EXOC6B: variants seen among roughly 807,000 people sequenced by gnomAD.
EXOC6B encodes the protein exocyst complex component 6B, also known as SEC15 homolog B.
EXOC6B carries 54 observed loss-of-function variants against 113.5 expected under a neutral mutation model. The ratio of observed to expected loss-of-function variants is 0.48; its 90% CI spans 0.38 to 0.60. The LOEUF (loss-of-function observed/expected upper bound fraction) is 0.60. EXOC6B is among the 20% of genes least tolerant of loss of function. EXOC6B has a pLI of 0.00. For synonymous variants in EXOC6B, 357 were observed against 339.0 expected, an observed-to-expected ratio of 1.05 and a Z score of -0.58; for missense variants, 797 against 977.5, an observed-to-expected ratio of 0.82 and a Z score of 2.46.
In EXOC6B at chr2:72,701,140, C is replaced by G. The variant is rs1678305523; in HGVS notation, c.669+16963G>C. Among the ~76,000 whole-genome samples, 3 of 151,672 alleles carry G rather than the reference C, an allele frequency of 2.0e-5. No individual in the cohort carries two copies. The South Asian group carries it at 6.3e-4, about 32-fold the overall frequency. ...AGGTGGATCATGAGGTCAAGGAGAT[C>G]AAGACCATCCTGGCCAACATAGTGA... On this transcript the variant is annotated intron_variant, in intron 6 of 21. Transcript: ENST00000272427.
chr2:72,646,147 A>G (rs1673692920), intron 6 of EXOC6B, among the ~76,000 whole-genome samples: 1 of 152,222 alleles, frequency 6.6e-6, no homozygotes, highest in African/African-American at 2.4e-5. Context: ...AACTACCATC[A>G]GAGAATACTA....
chr2:72,686,924 G>A (rs527840694), intron 6 of EXOC6B, among the ~76,000 whole-genome samples: 24 of 152,164 alleles, frequency 1.6e-4, no homozygotes, highest in African/African-American at 5.5e-4. Flanking sequence ...AGATCACGAG[G>A]TCAGGAGATG....
At chr2:72,657,384 C>T (rs904371894) in intron 6 of EXOC6B, among the ~76,000 whole-genome samples, 1 of 151,476 alleles carries the variant, frequency 6.6e-6, no homozygotes, top group Non-Finnish European at 1.5e-5. Flanking sequence ...CACCACCACA[C>T]ACCCAGCTAA....
At chr2:72,674,798 CA>C (rs879579593) in intron 6 of EXOC6B, among the ~76,000 whole-genome samples, 31 of 133,220 alleles carry the variant, frequency 2.3e-4, no homozygotes, top group Admixed American at 2.3e-4. Flanking sequence ...GACTCCATCT[CA>C]AAAAAAAAAA....
intron 1 of EXOC6B, among the ~76,000 whole-genome samples, chr2:72,753,201 T>C (rs938633545): frequency 1.3e-5 from 2 of 149,860 alleles, no homozygotes; most frequent in African/African-American, 4.9e-5. Flanking sequence ...AACCCAGGAG[T>C]TCAAACCCAG....
intron 15 of EXOC6B, 146 bp from the exon 16 acceptor site, chr2:72,492,575 T>C: frequency 2.1e-6 from 1 of 474,078 alleles, no homozygotes; most frequent in South Asian, 4.2e-5. Context: ...AAAAGTACTA[T>C]AATAAACTCT....
At chr2:72,232,738 T>C (rs1404587236) in intron 20 of EXOC6B, among the ~76,000 whole-genome samples, 1 of 152,194 alleles carries the variant, frequency 6.6e-6, no homozygotes, top group African/African-American at 2.4e-5. Context: ...TAAGATACCA[T>C]ATTTCAAAAT....
At chr2:72,418,872 G>A (rs966703878) in intron 18 of EXOC6B, among the ~76,000 whole-genome samples, 8 of 152,044 alleles carry the variant, frequency 5.3e-5, no homozygotes, top group African/African-American at 1.9e-4. Flanking sequence ...GAAGCCTTAC[G>A]ACCTTCTGTC....
chr2:72,229,748 C>T (rs186556834), intron 20 of EXOC6B, among the ~76,000 whole-genome samples: 3 of 152,260 alleles, frequency 2.0e-5, no homozygotes, highest in East Asian at 3.9e-4. Flanking sequence ...AGATTCAAAT[C>T]GGTAAATGAT....
chr2:72,326,017 G>A (rs186182735), intron 20 of EXOC6B, among the ~76,000 whole-genome samples: 51 of 152,034 alleles, frequency 3.4e-4, no homozygotes, highest in African/African-American at 1.1e-3. Flanking sequence ...GACCTTTGGT[G>A]TCACTCTCTG....
intron 8 of EXOC6B, among the ~76,000 whole-genome samples, chr2:72,522,525 C>A (rs1701548299): frequency 6.6e-6 from 1 of 151,982 alleles, no homozygotes; most frequent in Admixed American, 6.6e-5. Flanking sequence ...AACTAGATAA[C>A]ACAAATTGGG....
chr2:72,486,394 G>A (rs907174993), intron 16 of EXOC6B, among the ~76,000 whole-genome samples: 5 of 151,174 alleles, frequency 3.3e-5, no homozygotes, highest in African/African-American at 4.9e-5. Flanking sequence ...AAAAGAAAAT[G>A]TACAATCATG....
intron 1 of EXOC6B, among the ~76,000 whole-genome samples, chr2:72,750,533 A>G (rs1681975333): frequency 6.6e-6 from 1 of 152,140 alleles, no homozygotes; most frequent in African/African-American, 2.4e-5. Flanking sequence ...TGAAGCGAAG[A>G]TACCCCAGAA....
intron 6 of EXOC6B, among the ~76,000 whole-genome samples, chr2:72,711,285 T>C (rs898805475): frequency 1.3e-5 from 2 of 152,056 alleles, no homozygotes; most frequent in East Asian, 1.9e-4. Flanking sequence ...GAAAATGGAA[T>C]AGGATAAAAT....
At chr2:72,594,508 C>A (rs1669941860) in intron 6 of EXOC6B, among the ~76,000 whole-genome samples, 1 of 152,152 alleles carries the variant, frequency 6.6e-6, no homozygotes, top group Admixed American at 6.5e-5. Flanking sequence ...ATGATGGATG[C>A]TGCCCAGCCA....
intron 18 of EXOC6B, among the ~76,000 whole-genome samples, chr2:72,393,486 T>C (rs1395524127): frequency 2.0e-5 from 3 of 152,156 alleles, no homozygotes; most frequent in Admixed American, 1.3e-4. Flanking sequence ...ATCCAAAACA[T>C]TGATCCCTTC....
At chr2:72,478,823 G>A (rs1002253207) in intron 17 of EXOC6B, among the ~76,000 whole-genome samples, 7 of 152,172 alleles carry the variant, frequency 4.6e-5, no homozygotes, top group African/African-American at 1.7e-4. Context: ...TGAACCTCAC[G>A]TTCTAATTCC....
chr2:72,466,679 A>G (rs1312835502), intron 17 of EXOC6B, among the ~76,000 whole-genome samples: 1 of 152,198 alleles, frequency 6.6e-6, no homozygotes, highest in African/African-American at 2.4e-5. Flanking sequence ...TTATACAAAA[A>G]TTATATATTT....
At chr2:72,472,071 C>T (rs1459130865) in intron 17 of EXOC6B, among the ~76,000 whole-genome samples, 2 of 152,116 alleles carry the variant, frequency 1.3e-5, no homozygotes, top group Non-Finnish European at 2.9e-5. Flanking sequence ...TGGTCTAAAT[C>T]CCACTTGATC....
Sources: allele counts gnomAD v4.1 joint callset (sites outside exome capture counted in the v4.1 genomes callset), GRCh38; gene constraint gnomAD v4.1.1; transcripts MANE v1.5; gene names NCBI Gene and HGNC (gene_info 2026-07-23, HGNC 2026-07-21).